HIBCH: variants seen among roughly 807,000 people sequenced by gnomAD.
HIBCH encodes the protein 3-hydroxyisobutyryl-CoA hydrolase, also known as 3-hydroxyisobutyryl-CoA hydrolase, mitochondrial.
HIBCH carries 50 observed loss-of-function variants against 58.2 expected under a neutral mutation model. The ratio of observed to expected loss-of-function variants is 0.86; its 90% CI spans 0.68 to 1.09. The LOEUF (loss-of-function observed/expected upper bound fraction) is 1.09, where lower values mean the gene tolerates loss of function less well. HIBCH is among the 50% of genes least tolerant of loss of function. HIBCH has a pLI of 0.00. For synonymous variants in HIBCH, 151 were observed against 146.9 expected (o/e 1.03, Z -0.20); for missense variants, 450 against 449.7 (o/e 1.00, Z -0.01).
intron 11 of HIBCH, among the ~76,000 whole-genome samples, chr2:190,222,154 GCA>G (rs1685738851): frequency 6.6e-6 from 1 of 152,178 alleles, no homozygotes; most frequent in African/African-American, 2.4e-5. Context: ...CTGCTGGGCT[GCA>G]CAGAGTTTTG....
chr2:190,319,702 GCT>G lies in HIBCH; in HGVS notation c.35+12_35+13del, dbSNP rs754126815. ...CTGAAGAGCCTGCCCTTGGCCCCTCGCTCTCTCACTCACCTCGACATGAGCCT... is the reference window on the plus strand; with the variant it reads ...CTGAAGAGCCTGCCCTTGGCCCCTCGCTCTCACTCACCTCGACATGAGCCT... On this transcript the variant is annotated intron_variant, in intron 1 of 13. Transcript: ENST00000359678. 138 of 1,605,660 alleles carry G rather than the reference GCT, an allele frequency of 8.6e-5. No individual in the cohort carries two copies. The highest frequency in any genetic ancestry group is 1.2e-5 in the Non-Finnish European group (14 of 1,173,126).
chr2:190,218,668 G>A (rs758236896), intron 11 of HIBCH, among the ~76,000 whole-genome samples: 1 of 152,176 alleles, frequency 6.6e-6, no homozygotes, highest in South Asian at 2.1e-4. Flanking sequence ...CAACAGTTAC[G>A]CATGCTCTGC....
Position 190,306,112 on chromosome 2 carries a change from T to C in HIBCH, c.78+4642A>G, listed in dbSNP as rs1559064186. On this transcript the variant is annotated intron_variant, in intron 2 of 13. Transcript: ENST00000359678. This position sits in a 1 kb window ranked among gnomAD's most constrained non-coding sequence, Gnocchi z 4.6. ...GTCTTATTTTTTTTCTATGTTTCTATGGTAAAACAAAACACACACACAGAC... is the reference window on the plus strand; with the variant it reads ...GTCTTATTTTTTTTCTATGTTTCTACGGTAAAACAAAACACACACACAGAC... 6.6e-6 allele frequency among the ~76,000 whole-genome samples: 1 copy of C among 152,212 alleles called. No individual in the cohort carries two copies. The highest frequency in any genetic ancestry group is 1.5e-5 in the Non-Finnish European group (1 of 68,038).
chr2:190,199,084 A>T (rs1690116245), downstream of HIBCH, among the ~76,000 whole-genome samples: 1 of 152,220 alleles, frequency 6.6e-6, no homozygotes, highest in African/African-American at 2.4e-5. Context: ...TTTGAGTTGT[A>T]AATATGTGAC....
rs570167859 is a variant in HIBCH, at chr2:190,210,188, A to G, written c.1012-1275T>C. Among the ~76,000 whole-genome samples, 2 of 152,150 alleles carry G rather than the reference A, an allele frequency of 1.3e-5. No homozygotes were observed. Among genetic ancestry groups the G allele is most frequent in the East Asian group, 3.9e-4 (2 of 5,172 alleles). On this transcript the variant is annotated intron_variant, in intron 12 of 13. Transcript: ENST00000359678. This position sits in a 1 kb window ranked among gnomAD's most constrained non-coding sequence, Gnocchi z 5.5. Reference sequence around the variant, plus strand: ...CTTCACATCCCATTTTTCCTCTCCAACTTACTACACTCTAACTTCTGCCCC... The same window carrying G: ...CTTCACATCCCATTTTTCCTCTCCAGCTTACTACACTCTAACTTCTGCCCC...
chr2:190,265,639 T>C (rs186262256), intron 6 of HIBCH, among the ~76,000 whole-genome samples: 2 of 152,314 alleles, frequency 1.3e-5, no homozygotes, highest in East Asian at 3.9e-4. Flanking sequence ...TTCATTTTGC[T>C]TATGGTACAT....
intron 8 of HIBCH, chr2:190,250,494 T>C (rs1321181505): frequency 7.7e-6 from 3 of 390,688 alleles, no homozygotes; most frequent in East Asian, 7.4e-5. Context: ...AATGTCTGTC[T>C]ACTCATTGCA....
chr2:190,268,335 T>C (rs1161267258), intron 6 of HIBCH, among the ~76,000 whole-genome samples: 2 of 152,226 alleles, frequency 1.3e-5, no homozygotes, highest in Admixed American at 6.5e-5. Flanking sequence ...TGCGTTATTA[T>C]TAAACAATCA....
intron 11 of HIBCH, among the ~76,000 whole-genome samples, chr2:190,228,385 A>G (rs1046803399): frequency 3.1e-5 from 4 of 127,210 alleles, no homozygotes; most frequent in Non-Finnish European, 6.5e-5. Context: ...GGAACACCAC[A>G]CACCAGGGAC....
intron 10 of HIBCH, chr2:190,245,296 T>C (rs909803573): frequency 7.8e-6 from 2 of 257,596 alleles, no homozygotes; most frequent in Non-Finnish European, 1.5e-5. Flanking sequence ...TTTCCTCCTC[T>C]TGTTTCCCAA....
At chr2:190,276,341 T>C (rs2105970229) in intron 6 of HIBCH, among the ~76,000 whole-genome samples, 1 of 152,304 alleles carries the variant, frequency 6.6e-6, no homozygotes, top group East Asian at 1.9e-4. Context: ...AATGGGAAAT[T>C]ATTAGGCATC....
chr2:190,277,079 G>A (rs1199725424), intron 6 of HIBCH, among the ~76,000 whole-genome samples: 2 of 151,814 alleles, frequency 1.3e-5, no homozygotes, highest in African/African-American at 4.8e-5. Context: ...TTATATAAAT[G>A]GCAAAAGAGA....
intron 1 of HIBCH, among the ~76,000 whole-genome samples, chr2:190,313,863 T>G (rs1019037301): frequency 2.0e-5 from 3 of 152,092 alleles, no homozygotes; most frequent in Admixed American, 1.3e-4. Flanking sequence ...CATATCTTAT[T>G]TAGGGATACT....
chr2:190,292,316 T>C lies in HIBCH; in HGVS notation c.305-1831A>G, dbSNP rs1266585487. ...TTCTTTTCCTGGTTTTTTGGGGTGT[T>C]TGTTTTTGAAACGGAGTCTTGCCTT... On this transcript the variant is annotated intron_variant, in intron 4 of 13. Transcript: ENST00000359678. Among the ~76,000 whole-genome samples, 3 of 151,974 alleles carry C rather than the reference T, an allele frequency of 2.0e-5. No homozygotes were observed. In the East Asian group the frequency reaches 5.8e-4, roughly 29 times the overall value.
Position 190,246,212 on chromosome 2 carries a change from A to G in HIBCH, c.751T>C (p.Ser251Pro). The G allele has an allele frequency of 1.3e-6, 2 of 1,571,760 alleles. No individual in the cohort carries two copies. Among genetic ancestry groups the G allele is most frequent in the Non-Finnish European group, 1.7e-6 (2 of 1,147,182 alleles). The change falls in exon 10 of 14, where the codon TCT becomes CCT. Residue 251 changes from serine (S) to proline (P), a missense_variant and splice_region_variant. Physicochemically the swap from Ser to Pro is moderately conservative, Grantham distance 74 (BLOSUM62 -1). Coordinates refer to ENST00000359678, the MANE Select transcript of HIBCH (RefSeq NM_014362.4). The stretch of plus-strand genomic sequence containing the variant: ...AAAGACTTGTCTCGATCAATCTTAG[A>G]CTGTTTGAAAAGAAAAATCTTTTAA... ...ASVLENYHTE[S>P]KIDRDKSFIL...
chr2:190,231,852 TA>T (rs201676224), intron 11 of HIBCH, among the ~76,000 whole-genome samples: 2 of 151,252 alleles, frequency 1.3e-5, no homozygotes, highest in African/African-American at 4.9e-5. Flanking sequence ...ATAACTCACT[TA>T]AAAAAAAAGT....
intron 11 of HIBCH, among the ~76,000 whole-genome samples, chr2:190,219,262 T>A (rs924931680): frequency 1.3e-5 from 2 of 151,714 alleles, no homozygotes; most frequent in Non-Finnish European, 2.9e-5. Context: ...CAAAAATAAA[T>A]GCAGAAATGG....
intron 11 of HIBCH, among the ~76,000 whole-genome samples, chr2:190,231,983 G>T (rs1380349713): frequency 6.6e-6 from 1 of 151,948 alleles, no homozygotes; most frequent in Non-Finnish European, 1.5e-5. Context: ...ATCACCTGAG[G>T]TCAAGAGTTC....
rs753492512 is a variant in HIBCH, at chr2:190,299,825, G to A, written c.79-2872C>T. On this transcript the variant is annotated intron_variant, in intron 2 of 13. Transcript: ENST00000359678. Reference sequence around the variant, plus strand: ...TGCTCCTCTCCCTCCTCCTATCCTCGACTCTCAAGTAAGCCCCAGTGTCTG... The same window carrying A: ...TGCTCCTCTCCCTCCTCCTATCCTCAACTCTCAAGTAAGCCCCAGTGTCTG... Among the ~76,000 whole-genome samples, 10 of 151,808 alleles carry A rather than the reference G, an allele frequency of 6.6e-5. No individual in the cohort carries two copies. In the East Asian group the frequency reaches 1.2e-3, roughly 18 times the overall value.
Sources: allele counts gnomAD v4.1 joint callset (sites outside exome capture counted in the v4.1 genomes callset), GRCh38; gene constraint gnomAD v4.1.1; non-coding constraint Gnocchi (gnomAD v3.1); transcripts MANE v1.5; gene names NCBI Gene and HGNC (gene_info 2026-07-23, HGNC 2026-07-21).